Variants in ADAMTSL1 observed in about 807,000 individuals in gnomAD.
ADAMTSL1 encodes the protein ADAMTS-like protein 1.
In ADAMTSL1, 126 loss-of-function variants were observed where a neutral mutation model predicts 201.8. The observed-to-expected ratio is 0.62, with a 90% CI of 0.54 to 0.72. ADAMTSL1 has a LOEUF of 0.72. Ranked by LOEUF, ADAMTSL1 falls within the 30% of genes least tolerant of loss-of-function variation. ADAMTSL1 has a pLI of 0.00. For missense variants in ADAMTSL1, 2,679 were observed against 2,277.8 expected (o/e 1.18, Z -3.59); for synonymous variants, 1,121 against 903.4 (o/e 1.24, Z -4.32).
chr9:17,929,782 G>A (rs1363513011), intron 1 of ADAMTSL1, among the ~76,000 whole-genome samples: 10 of 152,082 alleles, frequency 6.6e-5, no homozygotes, highest in Admixed American at 6.6e-4. Context: ...GTGTTAGATG[G>A]CTTCTGTCAT....
At chr9:18,371,745 G>C (rs777348732) in intron 2 of ADAMTSL1, among the ~76,000 whole-genome samples, 7 of 152,152 alleles carry the variant, frequency 4.6e-5, no homozygotes, top group Admixed American at 1.3e-4. Context: ...GTGGGCATTA[G>C]GATGTGAGGA....
chr9:18,301,272 T>C (rs1354482287), intron 2 of ADAMTSL1, among the ~76,000 whole-genome samples: 1 of 152,112 alleles, frequency 6.6e-6, no homozygotes, highest in Non-Finnish European at 1.5e-5. Context: ...TGAAATACAG[T>C]TCATTAGAAT....
Position 18,504,864 on chromosome 9 carries a change from C to T in ADAMTSL1, c.99C>T (p.Asp33=), listed in dbSNP as rs760916992. Residue 33 remains aspartate, a synonymous_variant, in exon 2 of 29, where the codon GAC becomes GAT. Transcript: ENST00000380548. The part of the protein sequence containing the change: ...SRTARSEEDR[D]GLWDAWGPWS... ...CCGCACGCTCCGAGGAGGACCGGGA[C>T]GGCCTATGGGATGCCTGGGGCCCAT... 15 of 1,613,898 alleles carry T rather than the reference C, an allele frequency of 9.3e-6. No homozygotes were observed. Among genetic ancestry groups the T allele is most frequent in the South Asian group, 8.8e-5 (8 of 91,084 alleles).
chr9:18,341,350 T>G (rs1374351130), intron 2 of ADAMTSL1, among the ~76,000 whole-genome samples: 1 of 152,180 alleles, frequency 6.6e-6, no homozygotes, highest in Non-Finnish European at 1.5e-5. Flanking sequence ...CCTTTGCCTA[T>G]CCAACATTCT....
At chr9:18,401,753 G>A (rs1401824815) in intron 2 of ADAMTSL1, among the ~76,000 whole-genome samples, 1 of 151,968 alleles carries the variant, frequency 6.6e-6, no homozygotes, top group Non-Finnish European at 1.5e-5. Flanking sequence ...CCTTTAAAAT[G>A]GTTATAAATG....
intron 5 of ADAMTSL1, among the ~76,000 whole-genome samples, chr9:18,635,388 G>A (rs1424775692): frequency 1.3e-5 from 2 of 152,066 alleles, no homozygotes; most frequent in East Asian, 3.9e-4. Flanking sequence ...GTAGAGAAAT[G>A]TTAAGAAACA....
intron 23 of ADAMTSL1, among the ~76,000 whole-genome samples, chr9:18,873,352 T>C (rs1171837935): frequency 1.3e-5 from 2 of 152,228 alleles, no homozygotes; most frequent in Non-Finnish European, 2.9e-5. Flanking sequence ...CTTTGGGTTC[T>C]TGGTCATGAA....
intron 2 of ADAMTSL1, among the ~76,000 whole-genome samples, chr9:18,194,858 A>C (rs1829111701): frequency 6.6e-6 from 1 of 152,018 alleles, no homozygotes; most frequent in Non-Finnish European, 1.5e-5. Flanking sequence ...CCAAGTCTGC[A>C]TTTGCTGTGA....
intron 2 of ADAMTSL1, among the ~76,000 whole-genome samples, chr9:18,400,412 G>A (rs537776527): frequency 6.6e-6 from 1 of 152,204 alleles, no homozygotes; most frequent in Admixed American, 6.5e-5. Context: ...TATTTGTAAT[G>A]TCATATAAAT....
chr9:18,753,165 G>C, intron 15 of ADAMTSL1, 133 bp from the exon 16 acceptor site: 1 of 801,600 alleles, frequency 1.2e-6, no homozygotes, highest in Non-Finnish European at 2.1e-6. Context: ...GCTTAAGATA[G>C]AGCTGCCAGC....
At chr9:18,681,787 C>T (rs1564146123) in intron 11 of ADAMTSL1, 25 bp from the exon 12 acceptor site, 5 of 1,571,336 alleles carry the variant, frequency 3.2e-6, no homozygotes, top group Non-Finnish European at 3.5e-6. Context: ...CTACGAGTCT[C>T]CTCTCTCTTG....
intron 22 of ADAMTSL1, among the ~76,000 whole-genome samples, chr9:18,828,993 T>C (rs1824803258): frequency 6.6e-6 from 1 of 151,532 alleles, no homozygotes; most frequent in African/African-American, 2.4e-5. Context: ...GAGAAAAAGG[T>C]GGGAGCTGGC....
At chr9:17,983,900 C>G (rs974315114) in intron 1 of ADAMTSL1, among the ~76,000 whole-genome samples, 3 of 151,902 alleles carry the variant, frequency 2.0e-5, no homozygotes, top group South Asian at 2.1e-4. Flanking sequence ...TTAAATGAGA[C>G]CAAATGTTAA....
chr9:18,162,816 A>G (rs1827454324), intron 1 of ADAMTSL1, among the ~76,000 whole-genome samples: 1 of 152,018 alleles, frequency 6.6e-6, no homozygotes, highest in Non-Finnish European at 1.5e-5. Flanking sequence ...AAATATTATA[A>G]ATATGATTAA....
intron 26 of ADAMTSL1, among the ~76,000 whole-genome samples, chr9:18,902,462 A>T (rs1830066440): frequency 6.6e-6 from 1 of 151,946 alleles, no homozygotes; most frequent in Non-Finnish European, 1.5e-5. Flanking sequence ...AGTAAACTGG[A>T]AAATTCACAA....
intron 1 of ADAMTSL1, among the ~76,000 whole-genome samples, chr9:17,927,578 CAATA>C (rs1826602763): frequency 6.6e-6 from 1 of 151,894 alleles, no homozygotes; most frequent in African/African-American, 2.4e-5. Context: ...TATCTAAAAA[CAATA>C]AAAAACAGAT....
At chr9:18,001,031 T>A (rs1819592116) in intron 1 of ADAMTSL1, among the ~76,000 whole-genome samples, 2 of 151,952 alleles carry the variant, frequency 1.3e-5, no homozygotes, top group African/African-American at 4.8e-5. Context: ...GGAAGTTAGT[T>A]TCTAAAAGGA....
intron 23 of ADAMTSL1, among the ~76,000 whole-genome samples, chr9:18,864,337 C>T (rs1227905888): frequency 6.6e-6 from 1 of 152,092 alleles, no homozygotes; most frequent in Non-Finnish European, 1.5e-5. Flanking sequence ...CTTATTAAGG[C>T]TAGGAACACA....
chr9:18,441,221 A>T (rs1819983355), intron 2 of ADAMTSL1, among the ~76,000 whole-genome samples: 1 of 152,156 alleles, frequency 6.6e-6, no homozygotes, highest in South Asian at 2.1e-4. Flanking sequence ...TGGAATTAGT[A>T]ATGATGGTTG....
Sources: gnomAD v4.1 joint callset for allele counts (sites outside exome capture counted in the v4.1 genomes callset) on GRCh38, gnomAD v4.1.1 for gene constraint, MANE v1.5 for transcripts, NCBI Gene and HGNC (gene_info 2026-07-23, HGNC 2026-07-21) for gene names.